The following SH3PXD2A variants were observed in gnomAD, a reference collection of about 807,000 sequenced individuals.
SH3PXD2A encodes the protein SH3 and PX domain-containing protein 2A.
A neutral mutation model predicts 115.2 loss-of-function variants in SH3PXD2A; 32 were observed. That is an observed-to-expected ratio of 0.28 (90% CI 0.21 to 0.37). SH3PXD2A has a LOEUF of 0.37. Ranked by LOEUF, SH3PXD2A falls within the 10% of genes least tolerant of loss-of-function variation. The pLI, the probability that SH3PXD2A is intolerant of heterozygous loss-of-function variation, is 1.00. For synonymous variants in SH3PXD2A, 610 were observed against 629.1 expected, an observed-to-expected ratio of 0.97 and a Z score of 0.45; for missense variants, 1,328 against 1,498.7, an observed-to-expected ratio of 0.89 and a Z score of 1.88.
At chr10:103,676,007 C>A (rs10883897) in intron 6 of SH3PXD2A, among the ~76,000 whole-genome samples, 131,149 of 151,724 alleles carry the variant, frequency 0.86, 56,786 homozygotes, top group East Asian at 1. Context: ...CCATTGCACT[C>A]CAGCCTGGGC....
chr10:103,678,037 G>T, intron 6 of SH3PXD2A: 1 of 1,024,478 alleles, frequency 9.8e-7, no homozygotes, highest in Non-Finnish European at 1.3e-6. Context: ...TTGGCTCCCA[G>T]CATCTGCTTT....
chr10:103,826,939 C>CCGGCTAATGGAGGGATAACT (rs1183887515), intron 1 of SH3PXD2A, among the ~76,000 whole-genome samples: 2 of 152,116 alleles, frequency 1.3e-5, no homozygotes, highest in Non-Finnish European at 2.9e-5. Context: ...ATGCTTCGGC[C>CCGGCTAATGGAGGGATAACT]CGGCTAATGG....
chr10:103,842,644 C>T (rs998736409), intron 1 of SH3PXD2A, among the ~76,000 whole-genome samples: 1 of 152,138 alleles, frequency 6.6e-6, no homozygotes, highest in African/African-American at 2.4e-5. Flanking sequence ...CAGCAATATT[C>T]GTCTTTCCGT....
chr10:103,838,033 G>A lies in SH3PXD2A; in HGVS notation c.72+17162C>T, dbSNP rs146868222. 3.7e-4 allele frequency among the ~76,000 whole-genome samples: 57 copies of A among 152,262 alleles called. No homozygotes were observed. In the East Asian group the frequency reaches 0.011, roughly 29 times the overall value. ...TGCAGCCAACCAACAAGGGAGGCAT[G>A]GGCATGGTTAGCTGCGGAAACTGAG... On this transcript the variant is annotated intron_variant, in intron 1 of 14. Coordinates refer to ENST00000369774, the MANE Select transcript of SH3PXD2A (RefSeq NM_001394015.1).
chr10:103,833,356 T>G (rs1029745172), intron 1 of SH3PXD2A, among the ~76,000 whole-genome samples: 24 of 152,210 alleles, frequency 1.6e-4, no homozygotes, highest in African/African-American at 5.5e-4. Flanking sequence ...GGACAACAGA[T>G]TAAATGTGAA....
chr10:103,747,775 G>A (rs114617557), intron 3 of SH3PXD2A, among the ~76,000 whole-genome samples: 2,002 of 152,274 alleles, frequency 0.013, 53 homozygotes, highest in African/African-American at 0.046. Flanking sequence ...TCTTGGGATG[G>A]ACACTGTCCA....
chr10:103,759,173 G>C (rs537910298), intron 3 of SH3PXD2A, among the ~76,000 whole-genome samples: 1 of 152,294 alleles, frequency 6.6e-6, no homozygotes, highest in Admixed American at 6.5e-5. Flanking sequence ...GAAGGCCCCG[G>C]AGAACATGCT....
intron 6 of SH3PXD2A, among the ~76,000 whole-genome samples, chr10:103,684,850 G>A (rs1023812161): frequency 2.0e-5 from 3 of 151,874 alleles, no homozygotes; most frequent in African/African-American, 7.2e-5. Flanking sequence ...GCAACATAGC[G>A]AGACCCTGTC....
intron 6 of SH3PXD2A, among the ~76,000 whole-genome samples, chr10:103,669,631 T>A: frequency 6.6e-6 from 1 of 152,236 alleles, no homozygotes; most frequent in Non-Finnish European, 1.5e-5. Context: ...CGGGGAGGAC[T>A]CTCAGACATG....
rs573593459 is a variant in SH3PXD2A at position 103,780,951 on chromosome 10, C to T, written c.154-13782G>A. ...TGCTCAACTGACCTCTCTAGTCACA[C>T]GCCCTGCCACCCTTGCTTGTCCGTC... On this transcript the variant is annotated intron_variant, in intron 2 of 14. Transcript: ENST00000369774. Among the ~76,000 whole-genome samples, 18 of 152,296 alleles carry T rather than the reference C, an allele frequency of 1.2e-4. No individual in the cohort carries two copies. The South Asian group carries it at 3.1e-3, about 26-fold the overall frequency.
intron 13 of SH3PXD2A, among the ~76,000 whole-genome samples, chr10:103,610,407 G>A (rs1007678842): frequency 2.6e-5 from 4 of 152,244 alleles, no homozygotes; most frequent in South Asian, 2.1e-4. Flanking sequence ...ATAATTAGCC[G>A]TGGCTAGGAG....
Position 103,763,209 on chromosome 10 carries a change from G to C in SH3PXD2A, c.229+3885C>G, listed in dbSNP as rs1403185460. 2.0e-5 allele frequency among the ~76,000 whole-genome samples: 3 copies of C among 152,072 alleles called. No individual in the cohort carries two copies. The South Asian group carries it at 6.2e-4, about 32-fold the overall frequency. ...CCCTTTGTCTCTAATTTCTCTGTCA[G>C]CTCCACCAGCCAGTAAAATTTCTAT... On this transcript the variant is annotated intron_variant, in intron 3 of 14. Transcript: ENST00000369774.
intron 9 of SH3PXD2A, among the ~76,000 whole-genome samples, chr10:103,626,742 C>G (rs2036701809): frequency 6.9e-6 from 1 of 144,244 alleles, no homozygotes; most frequent in East Asian, 2.0e-4. Flanking sequence ...GCCTGGCCAA[C>G]ATGGTGAAAG....
rs144093694 is a variant in SH3PXD2A, at chr10:103,843,567, C to T, written c.72+11628G>A. ...TGCAAATAGAGGCCAGACCTTGGCA[C>T]AGATCTGTTCCTATAGCAAGCTTGT... On this transcript the variant is annotated intron_variant, in intron 1 of 14. Transcript: ENST00000369774. Among the ~76,000 whole-genome samples the T allele has an allele frequency of 3.1e-3, 475 of 152,306 alleles. 1 individual carries two copies. Among genetic ancestry groups the T allele is most frequent in the African/African-American group, 7.8e-3 (324 of 41,564 alleles).
intron 4 of SH3PXD2A, among the ~76,000 whole-genome samples, chr10:103,733,799 T>G (rs2038350365): frequency 6.6e-6 from 1 of 152,192 alleles, no homozygotes; most frequent in Non-Finnish European, 1.5e-5. Flanking sequence ...AGGGACAGGA[T>G]CGTTCCCTGT....
intron 8 of SH3PXD2A, among the ~76,000 whole-genome samples, chr10:103,659,496 T>C (rs1042810832): frequency 6.6e-6 from 1 of 152,168 alleles, no homozygotes; most frequent in Non-Finnish European, 1.5e-5. Context: ...ACTGGGGGTT[T>C]CCAGAGCCAG....
At chr10:103,692,969 G>A (rs1373711791) in intron 6 of SH3PXD2A, 59 bp downstream of exon 6, 11 of 1,468,344 alleles carry the variant, frequency 7.5e-6, no homozygotes, top group Admixed American at 1.7e-5. Flanking sequence ...AGGATCGGAG[G>A]GGCGCGTGCA....
At chr10:103,850,111 C>T (rs1258449977) in intron 1 of SH3PXD2A, among the ~76,000 whole-genome samples, 3 of 152,196 alleles carry the variant, frequency 2.0e-5, no homozygotes, top group South Asian at 2.1e-4. Flanking sequence ...ATAGCCTCCA[C>T]GGTCAGTTAA....
chr10:103,717,653 G>A (rs181654992), intron 5 of SH3PXD2A, among the ~76,000 whole-genome samples: 87 of 152,320 alleles, frequency 5.7e-4, no homozygotes, highest in Admixed American at 8.5e-4. Flanking sequence ...AGTTCCTAGC[G>A]TTCGTTTCAA....
Sources: gnomAD v4.1 joint callset for allele counts (sites outside exome capture counted in the v4.1 genomes callset) on GRCh38, gnomAD v4.1.1 for gene constraint, MANE v1.5 for transcripts, NCBI Gene and HGNC (gene_info 2026-07-23, HGNC 2026-07-21) for gene names.